Variants in CD9 observed in about 807,000 individuals in gnomAD.
CD9 encodes CD9 antigen.
A neutral mutation model predicts 31.4 loss-of-function variants in CD9; 10 were observed. That is an observed-to-expected ratio of 0.32 (90% CI 0.20 to 0.54). The LOEUF is 0.54. CD9 is among the 20% of genes least tolerant of loss of function. The probability of loss-of-function intolerance (pLI) is 0.94; values close to 1 mark genes in which losing one functional copy is unlikely to be tolerated. For synonymous variants in CD9, 113 were observed against 114.1 expected (o/e 0.99, Z 0.06); for missense variants, 259 against 300.1 (o/e 0.86, Z 1.01).
intron 2 of CD9, among the ~76,000 whole-genome samples, chr12:6,228,305 A>G (rs1591976695): frequency 6.6e-6 from 1 of 152,272 alleles, no homozygotes; most frequent in South Asian, 2.1e-4. Context: ...AGCCTCTAGC[A>G]CTTTGGGAGG....
intron 1 of CD9, among the ~76,000 whole-genome samples, chr12:6,215,006 C>T (rs1283347497): frequency 1.3e-5 from 2 of 152,196 alleles, no homozygotes; most frequent in Non-Finnish European, 2.9e-5. Context: ...TTCCTGCCTT[C>T]CCACCTCTCT....
At chr12:6,202,448 A>G (rs1398819508) in intron 1 of CD9, among the ~76,000 whole-genome samples, 3 of 152,206 alleles carry the variant, frequency 2.0e-5, no homozygotes, top group Non-Finnish European at 4.4e-5. Flanking sequence ...CTCCCCTCCC[A>G]GGTACAGTCT....
At chr12:6,210,740 A>G (rs2136606560) in intron 1 of CD9, among the ~76,000 whole-genome samples, 1 of 152,316 alleles carries the variant, frequency 6.6e-6, no homozygotes, top group African/African-American at 2.4e-5. Flanking sequence ...AAACAGCTTA[A>G]CAAAATAATT....
At chr12:6,201,134 C>T (rs970593191) in intron 1 of CD9, among the ~76,000 whole-genome samples, 1 of 152,178 alleles carries the variant, frequency 6.6e-6, no homozygotes, top group Non-Finnish European at 1.5e-5. Flanking sequence ...GGGACCCAGT[C>T]CCTGAGAGTC....
chr12:6,225,620 A>G (rs1029201067), intron 2 of CD9, 86 bp downstream of exon 2: 1 of 836,026 alleles, frequency 1.2e-6, no homozygotes, highest in Non-Finnish European at 2.0e-6. Flanking sequence ...TGACCCAGGG[A>G]CTTGGGCTTG....
intron 1 of CD9, among the ~76,000 whole-genome samples, chr12:6,201,602 C>T (rs1488049100): frequency 6.6e-6 from 1 of 152,244 alleles, no homozygotes; most frequent in Non-Finnish European, 1.5e-5. Flanking sequence ...AATAGGAAAC[C>T]CTTGTGTCCT....
At chr12:6,228,205 G>C (rs1225308420) in intron 2 of CD9, among the ~76,000 whole-genome samples, 1 of 152,188 alleles carries the variant, frequency 6.6e-6, no homozygotes, top group Admixed American at 6.5e-5. Context: ...AGAAGCGCCG[G>C]CAAGGGGGAT....
intron 1 of CD9, among the ~76,000 whole-genome samples, chr12:6,214,687 C>T (rs865844736): frequency 2.0e-5 from 3 of 151,914 alleles, no homozygotes; most frequent in African/African-American, 4.8e-5. Flanking sequence ...TTCTAGAGTT[C>T]GGGGAGGTTT....
At chr12:6,202,308 G>T (rs919948915) in intron 1 of CD9, among the ~76,000 whole-genome samples, 1 of 152,054 alleles carries the variant, frequency 6.6e-6, no homozygotes, top group Admixed American at 6.5e-5. Flanking sequence ...CCCTCCTCCT[G>T]TGTTGCCACC....
intron 3 of CD9, chr12:6,233,098 C>T (rs972598350): frequency 2.9e-6 from 2 of 700,986 alleles, no homozygotes; most frequent in African/African-American, 1.8e-5. Flanking sequence ...GCCCAAATCT[C>T]TTGTCTTTTG....
chr12:6,236,542 T>C (rs2136641766), intron 7 of CD9: 2 of 514,146 alleles, frequency 3.9e-6, no homozygotes, highest in Admixed American at 3.6e-5. Flanking sequence ...TCAGGGCACA[T>C]GGGTGGCAGT....
chr12:6,233,529 G>C (rs1435170952), intron 4 of CD9, 43 bp downstream of exon 4: 1 of 1,469,648 alleles, frequency 6.8e-7, no homozygotes, highest in Non-Finnish European at 9.5e-7. Context: ...GGAGTTGGGG[G>C]ATGGGGGACA....
At chr12:6,228,466 C>A (rs1946397480) in intron 2 of CD9, among the ~76,000 whole-genome samples, 1 of 147,728 alleles carries the variant, frequency 6.8e-6, no homozygotes, top group African/African-American at 2.5e-5. Flanking sequence ...GCACAAGAAT[C>A]TCTTGAACCT....
At chr12:6,201,064 A>G (rs867269238) in intron 1 of CD9, 1 of 152,660 alleles carries the variant, frequency 6.6e-6, no homozygotes, top group African/African-American at 2.4e-5. Flanking sequence ...AGCTCAGCCA[A>G]GAGCGGCTCT....
chr12:6,219,598 G>C (rs1946273766), intron 1 of CD9, among the ~76,000 whole-genome samples: 1 of 151,718 alleles, frequency 6.6e-6, no homozygotes, highest in South Asian at 2.1e-4. Flanking sequence ...CCATTCTCCT[G>C]CCTCAGCCTC....
Position 6,232,599 on chromosome 12 carries a change from C to T in CD9, c.176-33C>T. On this transcript the variant is annotated intron_variant, in intron 2 of 7. Transcript: ENST00000009180. This position sits in a 1 kb window ranked among gnomAD's most constrained non-coding sequence, Gnocchi z 4.8. Reference sequence around the variant, plus strand: ...TGCCTGGGCCTCTGAACTGATGTCTCCACGCGTGTGTGCTTCCTCTGTCCT... The same window carrying T: ...TGCCTGGGCCTCTGAACTGATGTCTTCACGCGTGTGTGCTTCCTCTGTCCT... The T allele has an allele frequency of 1.4e-6, 2 of 1,380,232 alleles. No individual in the cohort carries two copies. Among genetic ancestry groups the T allele is most frequent in the African/African-American group, 1.4e-5 (1 of 69,916 alleles). The allele number at this position is 1,380,232 out of a possible 1,614,324, so 85.5% of individuals were successfully genotyped here. A position where few individuals can be genotyped will look rare whatever the true frequency, so the allele number is the denominator to read the frequency against.
intron 1 of CD9, among the ~76,000 whole-genome samples, chr12:6,209,022 G>C (rs1365392546): frequency 6.6e-6 from 1 of 152,040 alleles, no homozygotes; most frequent in Non-Finnish European, 1.5e-5. Context: ...AGGCTGGAGT[G>C]CAGTGGCGCA....
rs11539945 is a variant in CD9, at chr12:6,200,432, C to T, written c.-68C>T. On this transcript the variant is annotated 5_prime_UTR_variant, in exon 1 of 8. Transcript: ENST00000009180. ...TGCATCTGTATCCAGCGCCAGGTCC[C>T]GCCAGTCCCAGCTGCGCGCGCCCCC... 102,630 of 1,041,064 alleles carry T rather than the reference C, an allele frequency of 0.099. 6,935 individuals carry two copies. The highest frequency in any genetic ancestry group is 0.31 in the African/African-American group (19,849 of 63,102). 64.5% of individuals were successfully genotyped at this position (1,041,064 alleles called of 1,614,324 possible). A position where few individuals can be genotyped will look rare whatever the true frequency, so the allele number is the denominator to read the frequency against.
At position 6,233,614 on chromosome 12, in the gene CD9, C is replaced by T. The variant is rs367778022; in HGVS notation, c.348+128C>T. The stretch of plus-strand genomic sequence containing the variant: ...GTTGACCAGGCCTCTTATCTCATCG[C>T]GTCCCTGTGTGCCAGCGAATGTGCC... On this transcript the variant is annotated intron_variant, in intron 4 of 7. Transcript: ENST00000009180. 4.2e-4 allele frequency: 302 copies of T among 721,134 alleles called. 4 individuals carry two copies. The South Asian group carries it at 4.6e-3, about 11-fold the overall frequency. 44.7% of individuals were successfully genotyped at this position (721,134 alleles called of 1,614,324 possible).
Sources: gnomAD v4.1 joint callset for allele counts (sites outside exome capture counted in the v4.1 genomes callset) on GRCh38, gnomAD v4.1.1 for gene constraint, Gnocchi (gnomAD v3.1) non-coding constraint, MANE v1.5 for transcripts, NCBI Gene and HGNC (gene_info 2026-07-23, HGNC 2026-07-21) for gene names.